GSE1: variants seen among roughly 807,000 people sequenced by gnomAD.
The protein encoded by GSE1 is genetic suppressor element 1.
GSE1 carries 32 observed loss-of-function variants against 112.6 expected under a neutral mutation model. The observed-to-expected ratio is 0.28, with a 90% CI of 0.21 to 0.38. The LOEUF is 0.38. Ranked by LOEUF, GSE1 falls within the 10% of genes least tolerant of loss-of-function variation. The pLI, the probability that GSE1 is intolerant of heterozygous loss-of-function variation, is 1.00. For missense variants in GSE1, 2,348 were observed against 1,699.2 expected (o/e 1.38, Z -6.71); for synonymous variants, 1,115 against 735.6 (o/e 1.52, Z -8.35).
At chr16:85,528,843 T>A (rs1326664428) in intron 2 of GSE1, among the ~76,000 whole-genome samples, 1 of 151,990 alleles carries the variant, frequency 6.6e-6, no homozygotes, top group Non-Finnish European at 1.5e-5. Context: ...GGCTGCCTCG[T>A]GGAGGAGGTA....
In GSE1 at chr16:85,526,990, T is replaced by G. The variant is rs375483508; in HGVS notation, c.2465-106924T>G. On this transcript the variant is annotated intron_variant, in intron 2 of 2. Coordinates refer to the GSE1 transcript ENST00000637419. Reference sequence around the variant, plus strand: ...TGTTAAATTAAGTTCACAGTGGAAGTGCCAAAACAGTGTTGTAAAAATATT... The same window carrying G: ...TGTTAAATTAAGTTCACAGTGGAAGGGCCAAAACAGTGTTGTAAAAATATT... Among the ~76,000 whole-genome samples, 32 of 152,300 alleles carry G rather than the reference T, an allele frequency of 2.1e-4. 1 individual carries two copies. In the South Asian group the frequency reaches 6.4e-3, roughly 31 times the overall value.
At chr16:85,566,965 G>A (rs1171583921) in intron 1 of GSE1, among the ~76,000 whole-genome samples, 1 of 152,152 alleles carries the variant, frequency 6.6e-6, no homozygotes, top group East Asian at 1.9e-4. Flanking sequence ...CCAAGAACCT[G>A]TGTCACTGTC....
At chr16:85,379,604 C>T (rs986299890) in intron 2 of GSE1, among the ~76,000 whole-genome samples, 1 of 152,214 alleles carries the variant, frequency 6.6e-6, no homozygotes, top group African/African-American at 2.4e-5. Flanking sequence ...TTAGAAGCAG[C>T]AGCCCAGCTC....
At chr16:85,470,790 C>T (rs555483708) in intron 2 of GSE1, among the ~76,000 whole-genome samples, 15 of 152,256 alleles carry the variant, frequency 9.9e-5, no homozygotes, top group Non-Finnish European at 1.6e-4. Flanking sequence ...CGCTGTGACC[C>T]AGTCAGTGTT....
intron 2 of GSE1, among the ~76,000 whole-genome samples, chr16:85,499,340 T>C (rs1247997479): frequency 2.5e-5 from 3 of 118,368 alleles, no homozygotes; most frequent in African/African-American, 9.6e-5. Context: ...AGACAGAGTC[T>C]CACTCAGTCG....
chr16:85,364,323 C>T (rs766781197), intron 2 of GSE1, among the ~76,000 whole-genome samples: 5 of 152,226 alleles, frequency 3.3e-5, no homozygotes, highest in Non-Finnish European at 7.3e-5. Flanking sequence ...CCTGTGACTG[C>T]ACCAGGCCCA....
At chr16:85,654,646 G>A (rs1192708306) in intron 4 of GSE1, 148 bp from the exon 5 acceptor site, 4 of 711,828 alleles carry the variant, frequency 5.6e-6, no homozygotes, top group Non-Finnish European at 9.7e-6. Context: ...CGCTCCCCCC[G>A]CTGCTTAAGC....
intron 2 of GSE1, among the ~76,000 whole-genome samples, chr16:85,513,859 C>T (rs938341431): frequency 1.3e-5 from 2 of 152,128 alleles, no homozygotes; most frequent in African/African-American, 4.8e-5. Context: ...CGGGGCAGGG[C>T]ACGTGTACAA....
intron 2 of GSE1, among the ~76,000 whole-genome samples, chr16:85,495,805 G>T (rs12925666): frequency 0.38 from 57,746 of 151,882 alleles, 11,654 homozygotes; most frequent in East Asian, 0.49. Context: ...GCCATGCTGG[G>T]GACATTTTAA....
intron 1 of GSE1, among the ~76,000 whole-genome samples, chr16:85,236,408 G>A (rs887632099): frequency 3.3e-5 from 5 of 152,218 alleles, no homozygotes; most frequent in African/African-American, 1.2e-4. Context: ...CTGGGCCTCT[G>A]GCCCAGTGGG....
rs891257975 is a variant in GSE1 at position 85,613,389 on chromosome 16, G to C, written c.-3G>C. 3 of 1,566,318 alleles carry C rather than the reference G, an allele frequency of 1.9e-6. No homozygotes were observed. In the African/African-American group the frequency reaches 4.1e-5, roughly 21 times the overall value. On this transcript the variant is annotated 5_prime_UTR_variant, in exon 1 of 16. Transcript: ENST00000253458. Reference sequence around the variant, plus strand: ...AGCCGAGGTGGAGCTGCGGGGCCCTGGCATGAAAGGTGAGCGCGCCGCACC... The same window carrying C: ...AGCCGAGGTGGAGCTGCGGGGCCCTCGCATGAAAGGTGAGCGCGCCGCACC...
At chr16:85,652,218 G>A (rs187079647) in intron 3 of GSE1, among the ~76,000 whole-genome samples, 124 of 152,358 alleles carry the variant, frequency 8.1e-4, no homozygotes, top group Non-Finnish European at 1.4e-3. Context: ...CTCTGAGCAG[G>A]TGCCGTGACG....
At chr16:85,548,334 C>G (rs1188424780) in intron 2 of GSE1, among the ~76,000 whole-genome samples, 1 of 150,550 alleles carries the variant, frequency 6.6e-6, no homozygotes, top group Admixed American at 6.6e-5. Context: ...AGTCACCCTA[C>G]TGATCTATAG....
In GSE1 at chr16:85,332,139, C is replaced by T. The variant is rs374185159; in HGVS notation, c.2284-25324C>T. On this transcript the variant is annotated intron_variant, in intron 1 of 2. Coordinates refer to the GSE1 transcript ENST00000637419. ...CAGGGGGCCCAGACTCCCAGTCACA[C>T]CCAAGCAAGTGGGACAAGTACCAGA... is the stretch of plus-strand genomic sequence containing the variant. Among the ~76,000 whole-genome samples, 6 of 152,226 alleles carry T rather than the reference C, an allele frequency of 3.9e-5. No homozygotes were observed. In the East Asian group the frequency reaches 1.2e-3, roughly 29 times the overall value.
At chr16:85,520,747 C>G (rs1247015006) in intron 2 of GSE1, among the ~76,000 whole-genome samples, 1 of 152,158 alleles carries the variant, frequency 6.6e-6, no homozygotes, top group East Asian at 1.9e-4. Context: ...TATTCTCAAC[C>G]TTTCAGAAGC....
In GSE1 at chr16:85,666,082, C is replaced by G. The variant is rs750328956; in HGVS notation, c.2865C>G (p.Val955=). 3 of 1,613,146 alleles carry G rather than the reference C, an allele frequency of 1.9e-6. No individual in the cohort carries two copies. Among genetic ancestry groups the G allele is most frequent in the African/African-American group, 2.7e-5 (2 of 74,928 alleles). Residue 955 remains valine, a synonymous_variant, in exon 13 of 16, where the codon GTC becomes GTG. Transcript: ENST00000253458. ...KAAEPGKLEQ[V]RPQELSRVQE... Reference sequence around the variant, plus strand: ...CGGAGCCTGGGAAGCTGGAACAGGTCCGGCCCCAGGAGCTGTCGAGAGTCC... The same window carrying G: ...CGGAGCCTGGGAAGCTGGAACAGGTGCGGCCCCAGGAGCTGTCGAGAGTCC...
In GSE1 at chr16:85,336,279, G is replaced by A. The variant is rs558808728; in HGVS notation, c.2284-21184G>A. ...CTGATGGATTTTTGAGCCTTTGTTCGTTCCCTTGATTATTCATTCAACAAA... is the reference window on the plus strand; with the variant it reads ...CTGATGGATTTTTGAGCCTTTGTTCATTCCCTTGATTATTCATTCAACAAA... On this transcript the variant is annotated intron_variant, in intron 1 of 2. Coordinates refer to the GSE1 transcript ENST00000637419. Among the ~76,000 whole-genome samples, 11 of 152,280 alleles carry A rather than the reference G, an allele frequency of 7.2e-5. No homozygotes were observed. In the South Asian group the frequency reaches 8.3e-4, roughly 11 times the overall value.
chr16:85,432,201 G>A (rs560936079), intron 2 of GSE1, among the ~76,000 whole-genome samples: 7 of 152,268 alleles, frequency 4.6e-5, no homozygotes, highest in African/African-American at 1.4e-4. Context: ...ATGGATTGCC[G>A]TGCTTCCAGA....
intron 1 of GSE1, chr16:85,357,457 T>A: frequency 8.3e-7 from 1 of 1,212,014 alleles, no homozygotes; most frequent in South Asian, 1.5e-5. Context: ...CCTCTTTTCC[T>A]TTCAGCCTGT....
Sources: allele counts gnomAD v4.1 joint callset (sites outside exome capture counted in the v4.1 genomes callset), GRCh38; gene constraint gnomAD v4.1.1; transcripts MANE v1.5; gene names NCBI Gene and HGNC (gene_info 2026-07-23, HGNC 2026-07-21).